EVC2: variants seen among roughly 807,000 people sequenced by gnomAD.
EVC2 encodes EvC ciliary complex subunit 2.
Under a neutral mutation model 149.3 loss-of-function variants are expected in EVC2, and 148 were observed. The observed-to-expected ratio is 0.99, with a 90% CI of 0.87 to 1.14. The LOEUF (loss-of-function observed/expected upper bound fraction) is 1.14, where lower values mean the gene tolerates loss of function less well. EVC2 is among the 50% of genes most tolerant of loss of function. EVC2 has a pLI of 0.00. For synonymous variants in EVC2, 776 were observed against 649.9 expected (o/e 1.19, Z -2.95); for missense variants, 1,854 against 1,627.3 (o/e 1.14, Z -2.40).
intron 19 of EVC2, among the ~76,000 whole-genome samples, 171 bp from the exon 20 acceptor site, chr4:5,568,811 G>C (rs940521264): frequency 6.6e-6 from 1 of 152,126 alleles, no homozygotes; most frequent in African/African-American, 2.4e-5. Flanking sequence ...AAACCTATTT[G>C]GTCAGCAACC....
intron 9 of EVC2, among the ~76,000 whole-genome samples, chr4:5,660,301 C>T (rs916331745): frequency 3.3e-5 from 5 of 152,188 alleles, no homozygotes; most frequent in African/African-American, 1.2e-4. Context: ...TCACCAGGCA[C>T]TCTGTGAGGA....
chr4:5,595,610 A>C (rs1295154813), intron 16 of EVC2, among the ~76,000 whole-genome samples: 5 of 152,198 alleles, frequency 3.3e-5, no homozygotes, highest in Admixed American at 1.3e-4. Context: ...GCCACTGCAA[A>C]ATCAAGCCAA....
At chr4:5,596,697 G>C (rs2108804357) in intron 16 of EVC2, among the ~76,000 whole-genome samples, 1 of 152,280 alleles carries the variant, frequency 6.6e-6, no homozygotes, top group South Asian at 2.1e-4. Flanking sequence ...AAAGCTAGCA[G>C]AAGGCAAGAA....
At chr4:5,543,266 A>G in intron 21 of EVC2, 2 of 1,204,810 alleles carry the variant, frequency 1.7e-6, no homozygotes, top group Non-Finnish European at 2.2e-6. Context: ...CCCTACCCAC[A>G]TTGTACCATC....
chr4:5,580,775 G>A (rs547648500), intron 17 of EVC2, among the ~76,000 whole-genome samples: 72 of 6,954 alleles, frequency 0.01, 1 homozygote, highest in Middle Eastern at 0.071. Context: ...TCTTGAATGG[G>A]TGTTAAATTC....
At chr4:5,632,604 T>C (rs993772678) in intron 10 of EVC2, among the ~76,000 whole-genome samples, 3 of 152,210 alleles carry the variant, frequency 2.0e-5, no homozygotes, top group African/African-American at 7.2e-5. Flanking sequence ...CTATCTTTCA[T>C]TCTCAACTTC....
At chr4:5,578,997 G>GA (rs1188938977) in intron 17 of EVC2, among the ~76,000 whole-genome samples, 1 of 152,174 alleles carries the variant, frequency 6.6e-6, no homozygotes, top group Non-Finnish European at 1.5e-5. Context: ...ACCCATGCCT[G>GA]AATGTGTCTC....
chr4:5,671,829 C>T (rs543711414), intron 7 of EVC2, among the ~76,000 whole-genome samples: 1 of 152,274 alleles, frequency 6.6e-6, no homozygotes, highest in East Asian at 1.9e-4. Context: ...ATTTTAAGTG[C>T]AGAATTCTTA....
In EVC2 at chr4:5,702,589, A is replaced by G. The variant is rs1027863498; in HGVS notation, c.229-4942T>C. Among the ~76,000 whole-genome samples, 21 of 152,350 alleles carry G rather than the reference A, an allele frequency of 1.4e-4. 1 individual carries two copies. The highest frequency in any genetic ancestry group is 5.0e-4 in the African/African-American group (21 of 41,596). On this transcript the variant is annotated intron_variant, in intron 1 of 21. Coordinates refer to ENST00000344408, the MANE Select transcript of EVC2 (RefSeq NM_147127.5). ...CTGTCCAATATGGTAGCCACTAGCC[A>G]GATGGGGCCATTTGAGCATATGAAA...
chr4:5,546,486 G>A (rs1315434539), intron 21 of EVC2, among the ~76,000 whole-genome samples: 13 of 151,560 alleles, frequency 8.6e-5, no homozygotes, highest in Non-Finnish European at 1.8e-4. Flanking sequence ...AACACCGCAT[G>A]TTCTCACTCA....
At chr4:5,619,530 T>C (rs919288742) in intron 14 of EVC2, among the ~76,000 whole-genome samples, 1 of 152,218 alleles carries the variant, frequency 6.6e-6, no homozygotes, top group Non-Finnish European at 1.5e-5. Flanking sequence ...GGAGCATGGT[T>C]CTGCCAATGC....
chr4:5,612,815 G>T (rs970853057), intron 16 of EVC2, among the ~76,000 whole-genome samples: 1 of 150,692 alleles, frequency 6.6e-6, no homozygotes, highest in African/African-American at 2.4e-5. Context: ...CCAGCTACTT[G>T]GGAGGCTGAG....
intron 5 of EVC2, among the ~76,000 whole-genome samples, chr4:5,687,794 A>C: frequency 6.6e-6 from 1 of 151,868 alleles, no homozygotes; most frequent in Non-Finnish European, 1.5e-5. Context: ...GAGATGAGAG[A>C]CGTGCAGGAC....
At chr4:5,583,297 T>C (rs1021798606) in intron 17 of EVC2, among the ~76,000 whole-genome samples, 2 of 152,234 alleles carry the variant, frequency 1.3e-5, no homozygotes, top group Non-Finnish European at 2.9e-5. Flanking sequence ...ACATGCAAGA[T>C]TGAAGTATAA....
At chr4:5,587,526 G>A (rs193017069) in intron 16 of EVC2, among the ~76,000 whole-genome samples, 121 of 152,256 alleles carry the variant, frequency 7.9e-4, no homozygotes, top group African/African-American at 2.8e-3. Context: ...AGAATCTAAC[G>A]TAAGTACCCA....
chr4:5,595,713 T>A (rs1713336933), intron 16 of EVC2, among the ~76,000 whole-genome samples: 1 of 152,090 alleles, frequency 6.6e-6, no homozygotes, highest in African/African-American at 2.4e-5. Context: ...AATTCACACA[T>A]AACAATATTA....
At chr4:5,585,690 T>C (rs926508700) in intron 16 of EVC2, among the ~76,000 whole-genome samples, 58 of 152,266 alleles carry the variant, frequency 3.8e-4, no homozygotes, top group African/African-American at 1.4e-3. Context: ...TATGAAACCA[T>C]CGCCACAACC....
downstream of EVC2, among the ~76,000 whole-genome samples, chr4:5,537,865 C>T (rs1259333922): frequency 6.6e-6 from 1 of 151,856 alleles, no homozygotes; most frequent in Non-Finnish European, 1.5e-5. Flanking sequence ...CTTCAGATCC[C>T]CCTTCAAGAA....
chr4:5,598,120 T>C (rs1251861253), intron 16 of EVC2, among the ~76,000 whole-genome samples: 3 of 150,402 alleles, frequency 2.0e-5, no homozygotes, highest in East Asian at 2.0e-4. Context: ...GAAGAATCAA[T>C]ATCATGAAAA....
Sources: allele counts gnomAD v4.1 joint callset (sites outside exome capture counted in the v4.1 genomes callset), GRCh38; gene constraint gnomAD v4.1.1; transcripts MANE v1.5; gene names NCBI Gene and HGNC (gene_info 2026-07-23, HGNC 2026-07-21).